STARD13: variants seen among roughly 807,000 people sequenced by gnomAD.
STARD13 encodes the protein StAR related lipid transfer domain containing 13.
Under a neutral mutation model 106.4 loss-of-function variants are expected in STARD13, and 62 were observed. The ratio of observed to expected loss-of-function variants is 0.58; its 90% CI spans 0.48 to 0.72. The LOEUF (loss-of-function observed/expected upper bound fraction) is 0.72, where lower values mean the gene tolerates loss of function less well. Ranked by LOEUF, STARD13 falls within the 30% of genes least tolerant of loss-of-function variation. The pLI, the probability that STARD13 is intolerant of heterozygous loss-of-function variation, is 0.00. For missense variants in STARD13, 1,387 were observed against 1,424.0 expected (o/e 0.97, Z 0.42); for synonymous variants, 565 against 553.0 (o/e 1.02, Z -0.31).
chr13:33,492,946 A>G, the STARD13 span, among the ~76,000 whole-genome samples: 1 of 152,142 alleles, frequency 6.6e-6, no homozygotes, highest in African/African-American at 2.4e-5. Flanking sequence ...ATGGAGGTTA[A>G]ACTGCCAAAG....
chr13:33,194,543 A>G (rs960734754), intron 1 of STARD13, among the ~76,000 whole-genome samples: 1 of 152,258 alleles, frequency 6.6e-6, no homozygotes, highest in Non-Finnish European at 1.5e-5. Flanking sequence ...ATACTTAAAC[A>G]TCATATTTTA....
At chr13:33,565,012 AG>A in the STARD13 span, among the ~76,000 whole-genome samples, 1 of 146,596 alleles carries the variant, frequency 6.8e-6, no homozygotes, top group Admixed American at 7.1e-5. Context: ...AAAGAAAAAA[AG>A]AAAAAAAAAT....
At chr13:33,615,395 T>C in the STARD13 span, among the ~76,000 whole-genome samples, 4 of 152,220 alleles carry the variant, frequency 2.6e-5, no homozygotes, top group South Asian at 2.1e-4. Context: ...ACTGGACATA[T>C]GGATTTTTAA....
chr13:33,444,581 C>T, the STARD13 span, among the ~76,000 whole-genome samples: 1 of 152,176 alleles, frequency 6.6e-6, no homozygotes. Flanking sequence ...GCCTGGGAAA[C>T]ATGAGGAGAT....
At chr13:33,302,352 A>G (rs986662465) in intron 1 of STARD13, among the ~76,000 whole-genome samples, 1 of 152,242 alleles carries the variant, frequency 6.6e-6, no homozygotes, top group Non-Finnish European at 1.5e-5. Flanking sequence ...GTCAGGCACT[A>G]TTCTAAGGGC....
At chr13:33,186,359 T>C (rs1304817001) in intron 1 of STARD13, among the ~76,000 whole-genome samples, 3 of 152,230 alleles carry the variant, frequency 2.0e-5, no homozygotes, top group Non-Finnish European at 2.9e-5. Context: ...AGTCTTTTAG[T>C]AGCGAACAGA....
chr13:33,407,802 A>G, the STARD13 span, among the ~76,000 whole-genome samples: 2 of 152,200 alleles, frequency 1.3e-5, no homozygotes, highest in Non-Finnish European at 2.9e-5. Context: ...TGCAAAGCAA[A>G]CTCAGGGATA....
the STARD13 span, among the ~76,000 whole-genome samples, chr13:33,522,300 C>A: frequency 6.6e-6 from 1 of 152,050 alleles, no homozygotes; most frequent in East Asian, 1.9e-4. Flanking sequence ...CACTCATGCA[C>A]AGCACCCCCA....
At chr13:33,352,939 G>T (rs2078092634), upstream of STARD13, among the ~76,000 whole-genome samples, 1 of 152,210 alleles carries the variant, frequency 6.6e-6, no homozygotes, top group African/African-American at 2.4e-5. Context: ...TAGGAGAAAA[G>T]AACTCAGGTA....
chr13:33,233,376 C>A (rs1279003219), intron 1 of STARD13, among the ~76,000 whole-genome samples: 2 of 152,192 alleles, frequency 1.3e-5, no homozygotes, highest in Non-Finnish European at 2.9e-5. Flanking sequence ...TATGCACTCC[C>A]CATCCTGTGC....
Position 33,209,457 on chromosome 13 carries a change from C to CTTTTTT in STARD13, c.170-41836_170-41835insAAAAAA, listed in dbSNP as rs1479939760. Among the ~76,000 whole-genome samples, 11 of 123,160 alleles carry CTTTTTT rather than the reference C, an allele frequency of 8.9e-5. 1 individual carries two copies. Among genetic ancestry groups the CTTTTTT allele is most frequent in the African/African-American group, 3.0e-4 (11 of 37,094 alleles). The allele number at this position is 123,160 out of a possible 152,430, so 80.8% of individuals were successfully genotyped here. A position where few individuals can be genotyped will look rare whatever the true frequency, so the allele number is the denominator to read the frequency against. On this transcript the variant is annotated intron_variant, in intron 1 of 13. Transcript: ENST00000336934. ...ATGTCTGAATCTTCTCTCTCTCTCTCTCTTTTTTTTTTCCAAATTCCAGGG... is the reference window on the plus strand; with the variant it reads ...ATGTCTGAATCTTCTCTCTCTCTCTCTTTTTTTCTTTTTTTTTTCCAAATTCCAGGG...
chr13:33,235,135 A>C (rs1390619153), intron 1 of STARD13, among the ~76,000 whole-genome samples: 1 of 152,188 alleles, frequency 6.6e-6, no homozygotes, highest in Admixed American at 6.5e-5. Context: ...ACTCTGGGGC[A>C]CTGTAGCAAA....
At position 33,110,066 on chromosome 13, in the gene STARD13, G is replaced by A. The variant is rs201297504; in HGVS notation, c.2854C>T (p.Leu952=). ...TCCACCTCCACAGAAGCCTTCCACA[G>A]CTTCAGCGGGTTCCCGTCGCCCACC... ...KKVGDGNPLK[L]WKASVEVEAP... Residue 952 remains leucine (L), a synonymous_variant, in exon 12 of 14, where the codon CTG becomes TTG. Coordinates refer to ENST00000336934, the MANE Select transcript of STARD13 (RefSeq NM_178006.4). The A allele has an allele frequency of 5.0e-5, 80 of 1,614,096 alleles. No homozygotes were observed. Among genetic ancestry groups the A allele is most frequent in the Non-Finnish European group, 6.8e-6 (8 of 1,180,042 alleles).
chr13:33,323,839 C>T (rs1160528615), intron 1 of STARD13, among the ~76,000 whole-genome samples: 1 of 152,186 alleles, frequency 6.6e-6, no homozygotes, highest in Non-Finnish European at 1.5e-5. Context: ...AATTTCTATT[C>T]TGGTGTTATT....
intron 1 of STARD13, among the ~76,000 whole-genome samples, chr13:33,240,588 CTT>C (rs1047734490): frequency 4.6e-5 from 7 of 152,056 alleles, no homozygotes; most frequent in African/African-American, 1.7e-4. Context: ...ATGTACAAGT[CTT>C]TTGCCTTTTG....
the STARD13 span, among the ~76,000 whole-genome samples, chr13:33,488,014 T>C: frequency 6.6e-6 from 1 of 152,210 alleles, no homozygotes; most frequent in African/African-American, 2.4e-5. Context: ...CCCTTGGTGA[T>C]ACCATTCTTC....
the STARD13 span, among the ~76,000 whole-genome samples, chr13:33,491,138 T>C: frequency 6.6e-6 from 1 of 152,204 alleles, no homozygotes; most frequent in South Asian, 2.1e-4. Flanking sequence ...AAAATTAAAA[T>C]GCAAGTTCTG....
At chr13:33,463,595 G>A in the STARD13 span, among the ~76,000 whole-genome samples, 3 of 152,166 alleles carry the variant, frequency 2.0e-5, no homozygotes, top group African/African-American at 7.2e-5. Flanking sequence ...GCCAAGAAAT[G>A]TTAGAGAAAG....
At position 33,111,793 on chromosome 13, in the gene STARD13, G is replaced by A. The variant is rs139395858; in HGVS notation, c.2592C>T (p.Cys864=). The A allele has an allele frequency of 5.3e-5, 86 of 1,613,290 alleles. No individual in the cohort carries two copies. The highest frequency in any genetic ancestry group is 6.7e-5 in the Admixed American group (4 of 59,996). Residue 864 remains cysteine, a synonymous_variant, in exon 10 of 14, where the codon TGC becomes TGT. Transcript: ENST00000336934. ...AQGLAHMIME[C]DRLFEVPHEL... ...TTTTGCTCACCTCAAAAAGTCTGTC[G>A]CATTCCATGATCATGTGCGCTAGCC...
Sources: gnomAD v4.1 joint callset for allele counts (sites outside exome capture counted in the v4.1 genomes callset) on GRCh38, gnomAD v4.1.1 for gene constraint, MANE v1.5 for transcripts, NCBI Gene and HGNC (gene_info 2026-07-23, HGNC 2026-07-21) for gene names.